PILRA: variants seen among roughly 807,000 people sequenced by gnomAD.
The protein encoded by PILRA is paired immunoglobulin-like type 2 receptor alpha.
Under a neutral mutation model 33.1 loss-of-function variants are expected in PILRA, and 37 were observed. That is an observed-to-expected ratio of 1.12 (90% CI 0.86 to 1.47). PILRA has a LOEUF of 1.47. Ranked by LOEUF, PILRA falls within the 40% of genes most tolerant of loss-of-function variation. PILRA has a pLI of 0.00. For missense variants in PILRA, 312 were observed against 376.2 expected (o/e 0.83, Z 1.41); for synonymous variants, 146 against 149.9 (o/e 0.97, Z 0.19).
At chr7:100,383,052 G>C (rs1055533125) in intron 2 of PILRA, among the ~76,000 whole-genome samples, 7 of 152,194 alleles carry the variant, frequency 4.6e-5, no homozygotes, top group Non-Finnish European at 8.8e-5. Flanking sequence ...AGTAGAACTG[G>C]AGTGAGTGGG....
At chr7:100,397,596 G>A (rs1239965213) in intron 3 of PILRA, among the ~76,000 whole-genome samples, 3 of 152,080 alleles carry the variant, frequency 2.0e-5, no homozygotes, top group African/African-American at 7.2e-5. Context: ...GCGGTGGAGG[G>A]AGCCAGGTTG....
chr7:100,373,299 C>G (rs1176120586), upstream of PILRA: 3 of 486,298 alleles, frequency 6.2e-6, no homozygotes, highest in East Asian at 1.1e-4. Context: ...GAGGTGGGGT[C>G]TGCAGGGATC....
chr7:100,374,018 C>T, intron 1 of PILRA, 26 bp from the exon 2 acceptor site: 1 of 1,608,862 alleles, frequency 6.2e-7, no homozygotes, highest in Non-Finnish European at 8.5e-7. Context: ...AAGGTCTCTC[C>T]CCTACTCACT....
At chr7:100,388,673 G>A (rs990206372) in intron 2 of PILRA, among the ~76,000 whole-genome samples, 2 of 149,988 alleles carry the variant, frequency 1.3e-5, no homozygotes, top group Non-Finnish European at 3.0e-5. Flanking sequence ...TTGAACTTGG[G>A]AGGCGGAGGT....
At chr7:100,384,749 T>C (rs908945073) in intron 2 of PILRA, among the ~76,000 whole-genome samples, 4 of 152,242 alleles carry the variant, frequency 2.6e-5, no homozygotes, top group South Asian at 4.1e-4. Flanking sequence ...GGTTGCACTA[T>C]TGCGTTCCAG....
rs534029944 is a variant in PILRA at position 100,391,193 on chromosome 7, T to A, written c.673+1087T>A. On this transcript the variant is annotated intron_variant, in intron 3 of 6. Coordinates refer to ENST00000198536, the MANE Select transcript of PILRA (RefSeq NM_013439.3). Reference sequence around the variant, plus strand: ...TAATAATAATAATAATAATTATTATTATTATTATTATTATTAGCTGGGCAT... The same window carrying A: ...TAATAATAATAATAATAATTATTATAATTATTATTATTATTAGCTGGGCAT... 9.3e-3 allele frequency among the ~76,000 whole-genome samples: 1,343 copies of A among 144,226 alleles called. 10 individuals carry two copies. The highest frequency in any genetic ancestry group is 0.015 in the Admixed American group (214 of 14,452). The allele number at this position is 144,226 out of a possible 152,430, so 94.6% of individuals were successfully genotyped here.
upstream of PILRA, chr7:100,373,386 G>A (rs1479911149): frequency 5.2e-6 from 3 of 574,132 alleles, no homozygotes; most frequent in Admixed American, 3.0e-5. Flanking sequence ...CAGGAGGACG[G>A]GGACCGCGGC....
intron 3 of PILRA, among the ~76,000 whole-genome samples, chr7:100,391,540 A>G (rs188042213): frequency 4.6e-5 from 7 of 152,258 alleles, no homozygotes; most frequent in Admixed American, 2.0e-4. Context: ...TACAAAAATT[A>G]GCTGGGTGTG....
upstream of PILRA, among the ~76,000 whole-genome samples, chr7:100,372,307 C>T (rs1306076265): frequency 2.0e-5 from 2 of 98,096 alleles, no homozygotes; most frequent in African/African-American, 3.9e-5. Context: ...GGAGGGAGGG[C>T]GGGCCGGCCT....
intron 2 of PILRA, chr7:100,374,762 A>C: frequency 2.5e-6 from 1 of 398,584 alleles, no homozygotes; most frequent in Non-Finnish European, 4.7e-6. Context: ...GCCTCTCCCC[A>C]TAACCTCCAG....
intron 2 of PILRA, chr7:100,374,676 C>A: frequency 3.5e-6 from 2 of 574,326 alleles, no homozygotes. Context: ...AGCCCCGCCC[C>A]CACTCCTCAG....
At chr7:100,380,711 A>T (rs551332558) in intron 2 of PILRA, among the ~76,000 whole-genome samples, 9 of 152,292 alleles carry the variant, frequency 5.9e-5, no homozygotes, top group Admixed American at 5.9e-4. Context: ...CACGTCTGTA[A>T]TCCCAGCAGT....
chr7:100,373,504 G>A lies in PILRA; in HGVS notation c.-153G>A. On this transcript the variant is annotated 5_prime_UTR_variant, in exon 1 of 7. Transcript: ENST00000198536. ...TGCTGGTCACCCTGGAGGTGCACTG[G>A]TTTGGGGAAGGCTCCTGGCCCCCAC... The A allele has an allele frequency of 1.3e-6, 1 of 791,402 alleles. No homozygotes were observed. Among genetic ancestry groups the A allele is most frequent in the African/African-American group, 1.7e-5 (1 of 58,566 alleles). 49.0% of individuals were successfully genotyped at this position (791,402 alleles called of 1,614,324 possible).
chr7:100,382,281 G>A (rs953865981), intron 2 of PILRA, among the ~76,000 whole-genome samples: 1 of 152,186 alleles, frequency 6.6e-6, no homozygotes, highest in Non-Finnish European at 1.5e-5. Context: ...CTACGTCAAG[G>A]TTTGTGAATG....
At chr7:100,390,759 G>A (rs558985666) in intron 3 of PILRA, among the ~76,000 whole-genome samples, 33 of 152,054 alleles carry the variant, frequency 2.2e-4, no homozygotes, top group Non-Finnish European at 4.0e-4. Context: ...CACTTTCCTT[G>A]TGGGTGGAGG....
chr7:100,399,782 C>T lies in PILRA; in HGVS notation c.790-3C>T. ...AACCCTTTCTCTCTGGGTTCTCGCC[C>T]AGGATGACGGCATCGTCTATGCTTC... On this transcript the variant is annotated splice_polypyrimidine_tract_variant and splice_region_variant and intron_variant, in intron 6 of 6. Coordinates refer to ENST00000198536, the MANE Select transcript of PILRA (RefSeq NM_013439.3). 1 of 1,610,130 alleles carries T rather than the reference C, an allele frequency of 6.2e-7. No individual in the cohort carries two copies. The highest frequency in any genetic ancestry group is 1.7e-5 in the Admixed American group (1 of 59,522).
rs145267648 is a variant in PILRA at position 100,397,887 on chromosome 7, C to T, written c.682C>T (p.Arg228Trp). The change falls in exon 4 of 7, where the codon CGG (arginine) becomes TGG (tryptophan). Residue 228 changes from arginine to tryptophan, a missense_variant. Arg to Trp is a moderately radical substitution (Grantham distance 101). Coordinates refer to ENST00000198536, the MANE Select transcript of PILRA (RefSeq NM_013439.3). ...TGTTGGTCCCCCTACAGGTCAGCAG[C>T]GGACTAAAGCCACAACCCCAGCCAG... ...LRWRRRKGQQ[R>W]TKATTPAREP... 1.0e-4 allele frequency: 165 copies of T among 1,613,772 alleles called. No individual in the cohort carries two copies. The Middle Eastern group carries it at 1.5e-3, about 15-fold the overall frequency.
chr7:100,398,780 C>A (rs555424232), intron 4 of PILRA, among the ~76,000 whole-genome samples: 1 of 152,114 alleles, frequency 6.6e-6, no homozygotes, highest in African/African-American at 2.4e-5. Flanking sequence ...CACTGAGCAC[C>A]GAGGGACCTC....
At chr7:100,379,539 G>C (rs1166347359) in intron 2 of PILRA, among the ~76,000 whole-genome samples, 1 of 151,616 alleles carries the variant, frequency 6.6e-6, no homozygotes, top group Non-Finnish European at 1.5e-5. Flanking sequence ...GTGGTAGCAC[G>C]CGCCTGTAGT....
Sources: gnomAD v4.1 joint callset for allele counts (sites outside exome capture counted in the v4.1 genomes callset) on GRCh38, gnomAD v4.1.1 for gene constraint, MANE v1.5 for transcripts, NCBI Gene and HGNC (gene_info 2026-07-23, HGNC 2026-07-21) for gene names.